NEDD9: variants seen among roughly 807,000 people sequenced by gnomAD.
NEDD9 encodes the protein neural precursor cell expressed, developmentally down-regulated 9.
Under a neutral mutation model 76.6 loss-of-function variants are expected in NEDD9, and 26 were observed. The ratio of observed to expected loss-of-function variants is 0.34; its 90% confidence interval spans 0.25 to 0.47. NEDD9 has a LOEUF of 0.47. Ranked by LOEUF, NEDD9 falls within the 20% of genes least tolerant of loss-of-function variation. The pLI is 1.00. For missense variants in NEDD9, 937 were observed against 1,058.5 expected (o/e 0.89, Z 1.59); for synonymous variants, 392 against 414.2 (o/e 0.95, Z 0.65).
intron 3 of NEDD9, among the ~76,000 whole-genome samples, chr6:11,265,348 A>C (rs1561810500): frequency 6.6e-6 from 1 of 152,248 alleles, no homozygotes; most frequent in Non-Finnish European, 1.5e-5. Context: ...TTTCAGGTGA[A>C]GATTTCAGAT....
At chr6:11,324,749 C>T (rs1235927703) in intron 2 of NEDD9, among the ~76,000 whole-genome samples, 1 of 135,660 alleles carries the variant, frequency 7.4e-6, no homozygotes, top group Admixed American at 7.4e-5. Context: ...CTAAGTGACT[C>T]CCAAGTGTGT....
At chr6:11,296,475 C>T (rs559565250) in intron 3 of NEDD9, among the ~76,000 whole-genome samples, 2 of 152,288 alleles carry the variant, frequency 1.3e-5, no homozygotes, top group East Asian at 3.9e-4. Context: ...AAAGAATATG[C>T]ATTACCTCTC....
At chr6:11,222,618 G>T (rs1274793204) in intron 1 of NEDD9, among the ~76,000 whole-genome samples, 1 of 152,236 alleles carries the variant, frequency 6.6e-6, no homozygotes, top group African/African-American at 2.4e-5. Context: ...CTTTCTTAAA[G>T]ACCCAGCTCT....
chr6:11,266,247 T>TC (rs966924189), intron 3 of NEDD9, among the ~76,000 whole-genome samples: 2 of 151,854 alleles, frequency 1.3e-5, no homozygotes, highest in African/African-American at 4.8e-5. Context: ...TTTGCACCCC[T>TC]CCCCCCTCAC....
At chr6:11,238,013 G>A (rs573269893) in intron 3 of NEDD9, among the ~76,000 whole-genome samples, 3 of 152,164 alleles carry the variant, frequency 2.0e-5, no homozygotes, top group Non-Finnish European at 2.9e-5. Context: ...ATTGGAGGCA[G>A]CAACTTTTCC....
chr6:11,329,356 G>A (rs1015581928), intron 2 of NEDD9, among the ~76,000 whole-genome samples: 7 of 152,170 alleles, frequency 4.6e-5, no homozygotes, highest in Non-Finnish European at 7.4e-5. Flanking sequence ...AGTGAAGCCC[G>A]GGGCAACTCC....
chr6:11,288,139 T>C (rs1179315898), intron 3 of NEDD9, among the ~76,000 whole-genome samples: 1 of 152,226 alleles, frequency 6.6e-6, no homozygotes, highest in African/African-American at 2.4e-5. Flanking sequence ...TGACTTTATA[T>C]GTGGCTCAGT....
intron 3 of NEDD9, among the ~76,000 whole-genome samples, chr6:11,294,569 C>T (rs563902102): frequency 5.9e-5 from 9 of 152,212 alleles, no homozygotes; most frequent in East Asian, 1.9e-4. Context: ...TTTCCTGTAC[C>T]GCCTGCAGAA....
At chr6:11,320,103 T>G (rs1316068702) in intron 2 of NEDD9, among the ~76,000 whole-genome samples, 3 of 152,250 alleles carry the variant, frequency 2.0e-5, no homozygotes, top group African/African-American at 7.2e-5. Context: ...TCCTGCCTAC[T>G]GTACCATGAG....
At chr6:11,206,484 TTC>T (rs1478096284) in intron 2 of NEDD9, among the ~76,000 whole-genome samples, 2 of 152,194 alleles carry the variant, frequency 1.3e-5, no homozygotes, top group African/African-American at 2.4e-5. Flanking sequence ...AATAAATTTA[TTC>T]TGTTTTCTCT....
chr6:11,366,298 A>AAGGAAGGAAGGAAGGAAGGAAG (rs1439789755), intron 1 of NEDD9, among the ~76,000 whole-genome samples: 4,709 of 94,134 alleles, frequency 0.05, 101 homozygotes, highest in Non-Finnish European at 0.059. Context: ...AAGGAAGGAA[A>AAGGAAGGAAGGAAGGAAGGAAG]GAAAGAAAGA....
At chr6:11,185,721 A>G in intron 6 of NEDD9, 50 bp from the exon 7 acceptor site, 1 of 1,599,736 alleles carries the variant, frequency 6.3e-7, no homozygotes, top group Non-Finnish European at 8.5e-7. Context: ...AGTGTGTTGC[A>G]ATGGAAATTC....
In NEDD9 at chr6:11,241,528, T is replaced by C. The variant is rs932576891; in HGVS notation, c.13-27801A>G. ...CTGGATTTTCTGTTTCCAATCTACT[T>C]CCGAGCTTTGCCATTCTCCAGCGCA... On this transcript the variant is annotated intron_variant, in intron 3 of 3. Coordinates refer to the NEDD9 transcript ENST00000397378. This position sits in a 1 kb window ranked among gnomAD's most constrained non-coding sequence, Gnocchi z 4.0. Among the ~76,000 whole-genome samples the C allele has an allele frequency of 2.6e-4, 39 of 152,154 alleles. No homozygotes were observed. Among genetic ancestry groups the C allele is most frequent in the Non-Finnish European group, 2.1e-4 (14 of 68,032 alleles).
At chr6:11,218,121 A>G (rs1759009732) in intron 1 of NEDD9, among the ~76,000 whole-genome samples, 1 of 152,186 alleles carries the variant, frequency 6.6e-6, no homozygotes, top group African/African-American at 2.4e-5. Context: ...TTCGCTGGAT[A>G]TTTCTTCTGC....
intron 3 of NEDD9, among the ~76,000 whole-genome samples, chr6:11,270,404 A>G (rs4713332): frequency 0.053 from 7,912 of 148,942 alleles, 212 homozygotes; most frequent in Middle Eastern, 0.14. Flanking sequence ...CAGGGATCTC[A>G]ATATATCTTC....
In NEDD9 at chr6:11,237,933, G is replaced by A. The variant is rs1759638972; in HGVS notation, c.13-24206C>T. Among the ~76,000 whole-genome samples, 1 of 152,174 alleles carries A rather than the reference G, an allele frequency of 6.6e-6. No homozygotes were observed. Among genetic ancestry groups the A allele is most frequent in the Non-Finnish European group, 1.5e-5 (1 of 68,030 alleles). On this transcript the variant is annotated intron_variant, in intron 3 of 3. Transcript: ENST00000397378. This position sits in a 1 kb window ranked among gnomAD's most constrained non-coding sequence, Gnocchi z 4.9. ...TAAAAAGGAACCATTCTAGGGCCATGTTTTATCATTTCTAGTTTGACATTA... is the reference window on the plus strand; with the variant it reads ...TAAAAAGGAACCATTCTAGGGCCATATTTTATCATTTCTAGTTTGACATTA...
intron 1 of NEDD9, among the ~76,000 whole-genome samples, chr6:11,372,660 T>C (rs1394805803): frequency 6.6e-6 from 1 of 152,236 alleles, no homozygotes; most frequent in Non-Finnish European, 1.5e-5. Flanking sequence ...GTAGAATTTG[T>C]TATTGCCTGA....
At chr6:11,310,707 G>A (rs146575129) in intron 2 of NEDD9, among the ~76,000 whole-genome samples, 69 of 152,286 alleles carry the variant, frequency 4.5e-4, no homozygotes, top group African/African-American at 1.5e-3. Flanking sequence ...TATACACAGC[G>A]GATGTTTCAA....
intron 1 of NEDD9, among the ~76,000 whole-genome samples, chr6:11,357,775 G>T (rs969490413): frequency 4.6e-5 from 7 of 152,230 alleles, no homozygotes; most frequent in Admixed American, 6.5e-5. Flanking sequence ...TCCTTGGAAA[G>T]AGAGTTTGGT....
Sources: allele counts gnomAD v4.1 joint callset (sites outside exome capture counted in the v4.1 genomes callset), GRCh38; gene constraint gnomAD v4.1.1; non-coding constraint Gnocchi (gnomAD v3.1); transcripts MANE v1.5; gene names NCBI Gene and HGNC (gene_info 2026-07-23, HGNC 2026-07-21).